The following LRP5 variants were observed in gnomAD, a reference collection of about 807,000 sequenced individuals.
LRP5 encodes the protein low-density lipoprotein receptor-related protein 5.
Under a neutral mutation model 154.1 loss-of-function variants are expected in LRP5, and 62 were observed. The ratio of observed to expected loss-of-function variants is 0.40; its 90% CI spans 0.33 to 0.50. LRP5 has a LOEUF of 0.50. LRP5 is among the 20% of genes least tolerant of loss of function. The pLI, the probability that LRP5 is intolerant of heterozygous loss-of-function variation, is 0.55. For synonymous variants in LRP5, 966 were observed against 1,011.5 expected (o/e 0.96, Z 0.85); for missense variants, 1,915 against 2,336.7 (o/e 0.82, Z 3.72).
At chr11:68,338,046 A>T (rs181603023) in intron 1 of LRP5, among the ~76,000 whole-genome samples, 4 of 152,154 alleles carry the variant, frequency 2.6e-5, no homozygotes, top group Admixed American at 2.6e-4. Flanking sequence ...ATGTGTGTAT[A>T]TCCTGCCCAA....
At chr11:68,426,615 G>T (rs1038045338) in intron 16 of LRP5, among the ~76,000 whole-genome samples, 18 of 151,760 alleles carry the variant, frequency 1.2e-4, no homozygotes, top group African/African-American at 4.4e-4. Flanking sequence ...TAGAGACGGG[G>T]TTTCCCCATG....
chr11:68,299,713 GC>G, the LRP5 span, among the ~76,000 whole-genome samples: 1 of 150,982 alleles, frequency 6.6e-6, no homozygotes, highest in East Asian at 1.9e-4. Context: ...CTCCTGAGTA[GC>G]TGGGATTACA....
At chr11:68,393,232 A>G (rs1174277793) in intron 7 of LRP5, among the ~76,000 whole-genome samples, 1 of 152,138 alleles carries the variant, frequency 6.6e-6, no homozygotes, top group Non-Finnish European at 1.5e-5. Flanking sequence ...GGTGGTGGGC[A>G]GTGGTTTCCA....
rs1458343993 is a variant in LRP5, at chr11:68,433,728, T to C, written c.3890T>C (p.Val1297Ala). The C allele has an allele frequency of 6.2e-7, 1 of 1,612,746 alleles. No homozygotes were observed. Among genetic ancestry groups the C allele is most frequent in the Admixed American group, 1.7e-5 (1 of 59,990 alleles). ...DDQSDEEGCP[V>A]CSAAQFPCAR... Reference sequence around the variant, plus strand: ...CAGAGCGACGAGGAGGGCTGCCCCGTGTGCTCCGCCGCCCAGTTCCCCTGC... The same window carrying C: ...CAGAGCGACGAGGAGGGCTGCCCCGCGTGCTCCGCCGCCCAGTTCCCCTGC... Residue 1297 changes from valine (V) to alanine (A), a missense_variant, in exon 18 of 23, where the codon GTG (valine) becomes GCG (alanine). By Grantham distance (64) the Val-to-Ala change is moderately conservative. Around this residue, in one of 3 missense-constraint regions of LRP5, gnomAD observed 1,094 missense variants for 1,210.1 expected, o/e 0.90. Transcript: ENST00000294304.
intron 1 of LRP5, among the ~76,000 whole-genome samples, chr11:68,325,720 C>T (rs1175180544): frequency 7.2e-5 from 11 of 152,328 alleles, no homozygotes; most frequent in East Asian, 3.9e-4. Context: ...CCCCCTCACC[C>T]GTTCCTGCCT....
At chr11:68,346,343 A>T (rs961735493) in intron 1 of LRP5, among the ~76,000 whole-genome samples, 1 of 152,278 alleles carries the variant, frequency 6.6e-6, no homozygotes, top group South Asian at 2.1e-4. Flanking sequence ...GTGTCCTCCC[A>T]TCCTGTGGAG....
rs569337243 is a variant in LRP5, at chr11:68,371,606, C to A, written c.1015+5904C>A. On this transcript the variant is annotated intron_variant, in intron 5 of 22. Transcript: ENST00000294304. ...CTGTGGCTTTCCAGGCTGCAGGTGC[C>A]CATTGGTATTGCGGCCGTGCGCCCG... 2.0e-5 allele frequency among the ~76,000 whole-genome samples: 3 copies of A among 152,382 alleles called. No homozygotes were observed. In the South Asian group the frequency reaches 6.2e-4, roughly 32 times the overall value.
At chr11:68,363,714 G>T in intron 3 of LRP5, 33 bp from the exon 4 acceptor site, 1 of 1,584,024 alleles carries the variant, frequency 6.3e-7, no homozygotes, top group South Asian at 1.1e-5. Context: ...GGACCCTCCT[G>T]ATGGCTCCTC....
At chr11:68,392,426 C>T (rs1238401751) in intron 7 of LRP5, among the ~76,000 whole-genome samples, 2 of 152,044 alleles carry the variant, frequency 1.3e-5, no homozygotes, top group Non-Finnish European at 2.9e-5. Flanking sequence ...ATCGCTTGAG[C>T]CCGGGAGGTG....
At chr11:68,324,706 C>T (rs1266057771) in intron 1 of LRP5, among the ~76,000 whole-genome samples, 1 of 152,268 alleles carries the variant, frequency 6.6e-6, no homozygotes, top group Non-Finnish European at 1.5e-5. Flanking sequence ...TCCAGCTGTG[C>T]CCACTGGCAG....
At chr11:68,375,882 A>T (rs2153146424) in intron 5 of LRP5, among the ~76,000 whole-genome samples, 1 of 152,236 alleles carries the variant, frequency 6.6e-6, no homozygotes, top group Non-Finnish European at 1.5e-5. Context: ...CTGACCTGGG[A>T]GGGTCGAAAG....
rs765971625 is a variant in LRP5 at position 68,411,607 on chromosome 11, G to A, written c.2490G>A (p.Ser830=). The change falls in exon 11 of 23, where the codon TCG becomes TCA. Residue 830 remains serine, a synonymous_variant. Transcript: ENST00000294304. ...WTDLDTNMIE[S]SNMLGQERVV... is the part of the protein sequence containing the mutation. ...ACCTGGACACCAACATGATCGAGTC[G>A]TCCAACATGCTGGGTGAGGGCCGGG... The A allele has an allele frequency of 4.3e-6, 7 of 1,611,260 alleles. No individual in the cohort carries two copies. The highest frequency in any genetic ancestry group is 5.9e-6 in the Non-Finnish European group (7 of 1,178,884).
chr11:68,326,330 C>T (rs890211341), intron 1 of LRP5, among the ~76,000 whole-genome samples: 1 of 152,226 alleles, frequency 6.6e-6, no homozygotes, highest in Non-Finnish European at 1.5e-5. Context: ...GTTGAGGGGA[C>T]CCTGCCATCT....
intron 7 of LRP5, among the ~76,000 whole-genome samples, chr11:68,395,988 C>T (rs4930573): frequency 6.6e-6 from 1 of 151,940 alleles, no homozygotes; most frequent in African/African-American, 2.4e-5. Flanking sequence ...GCTGTGGACC[C>T]CCATCTCACA....
At chr11:68,311,105 G>A (rs903869644), upstream of LRP5, among the ~76,000 whole-genome samples, 19 of 152,300 alleles carry the variant, frequency 1.2e-4, 1 homozygote, top group Admixed American at 1.2e-3. Context: ...AGAGCTGGGA[G>A]TCTGGGTCTC....
Position 68,435,488 on chromosome 11 carries a change from G to A in LRP5, c.4001-1401G>A, listed in dbSNP as rs984131515. On this transcript the variant is annotated intron_variant, in intron 18 of 22. Transcript: ENST00000294304. ...ATGGTGAGAGAGGGAGCAACGGAGA[G>A]AGAGAGAGAGCGCCTCTCCCTCTTG... Among the ~76,000 whole-genome samples, 41 of 151,998 alleles carry A rather than the reference G, an allele frequency of 2.7e-4. 1 individual carries two copies. Among genetic ancestry groups the A allele is most frequent in the Non-Finnish European group, 1.0e-4 (7 of 67,992 alleles).
rs372697844 is a variant in LRP5, at chr11:68,426,086, G to T, written c.3536G>T (p.Arg1179Leu). 1.2e-6 allele frequency: 2 copies of T among 1,613,612 alleles called. No homozygotes were observed. Among genetic ancestry groups the T allele is most frequent in the Admixed American group, 1.7e-5 (1 of 60,030 alleles). The change falls in exon 16 of 23, where the codon CGT (arginine) becomes CTT (leucine). Residue 1179 changes from arginine (R) to leucine (L), a missense_variant. Physicochemically the swap from Arg to Leu is moderately radical, Grantham distance 102. This residue lies in a region of LRP5 where 1,094 missense variants were observed against 1,210.1 expected (regional missense o/e 0.90). Coordinates refer to ENST00000294304, the MANE Select transcript of LRP5 (RefSeq NM_002335.4). ...WIDRQQQMIE[R>L]VEKTTGDKRT... is the part of the protein sequence containing the mutation. ...GACCGCCAGCAGCAGATGATCGAGC[G>T]TGTGGAGAAGACCACCGGGGACAAG... is the stretch of plus-strand genomic sequence containing the variant.
chr11:68,438,984 A>T (rs2098676614), intron 20 of LRP5, among the ~76,000 whole-genome samples: 1 of 152,160 alleles, frequency 6.6e-6, no homozygotes. Flanking sequence ...ATCCTCATGT[A>T]CCCTAGAAAT....
intron 7 of LRP5, among the ~76,000 whole-genome samples, chr11:68,393,874 C>T (rs2098647764): frequency 6.6e-6 from 1 of 152,202 alleles, no homozygotes; most frequent in Non-Finnish European, 1.5e-5. Flanking sequence ...CCTCGCATTT[C>T]CCTGATAACT....
Sources: gnomAD v4.1 joint callset for allele counts (sites outside exome capture counted in the v4.1 genomes callset) on GRCh38, gnomAD v4.1.1 for gene constraint, gnomAD v4.1.1 regional missense constraint, MANE v1.5 for transcripts, NCBI Gene and HGNC (gene_info 2026-07-23, HGNC 2026-07-21) for gene names.